GLYAT: variants seen among roughly 807,000 people sequenced by gnomAD.
GLYAT encodes glycine-N-acyltransferase.
A neutral mutation model predicts 22.8 loss-of-function variants in GLYAT; 25 were observed. The ratio of observed to expected loss-of-function variants is 1.09; its 90% CI spans 0.80 to 1.53. The LOEUF (loss-of-function observed/expected upper bound fraction) is 1.53, where lower values mean the gene tolerates loss of function less well. GLYAT is among the 40% of genes most tolerant of loss of function. GLYAT has a pLI of 0.00. For synonymous variants in GLYAT, 140 were observed against 122.7 expected (o/e 1.14, Z -0.93); for missense variants, 411 against 353.9 (o/e 1.16, Z -1.29).
intron 1 of GLYAT, among the ~76,000 whole-genome samples, chr11:58,725,076 T>C (rs1218889993): frequency 6.6e-6 from 1 of 152,142 alleles, no homozygotes; most frequent in Non-Finnish European, 1.5e-5. Context: ...GCCAAAGTCC[T>C]ATATATTGCA....
At chr11:58,724,049 T>C (rs1163034284) in intron 2 of GLYAT, among the ~76,000 whole-genome samples, 1 of 152,080 alleles carries the variant, frequency 6.6e-6, no homozygotes, top group African/African-American at 2.4e-5. Flanking sequence ...GCCAACTTTG[T>C]AGAACTCTGG....
At chr11:58,716,771 C>G (rs146150024) in intron 2 of GLYAT, among the ~76,000 whole-genome samples, 4 of 152,128 alleles carry the variant, frequency 2.6e-5, no homozygotes, top group Non-Finnish European at 5.9e-5. Flanking sequence ...ATTGAGTGCA[C>G]ACCCGTGAAA....
At chr11:58,715,860 C>G (rs1046163026) in intron 2 of GLYAT, among the ~76,000 whole-genome samples, 1 of 152,154 alleles carries the variant, frequency 6.6e-6, no homozygotes, top group Admixed American at 6.6e-5. Flanking sequence ...ACTTTTCACT[C>G]AAATAAATAA....
chr11:58,724,236 T>G (rs762029003), intron 2 of GLYAT, 180 bp downstream of exon 2: 22 of 484,346 alleles, frequency 4.5e-5, no homozygotes, highest in Admixed American at 1.8e-4. Flanking sequence ...GTCTTCATTT[T>G]CTTAACAGCA....
At chr11:58,722,965 AGAG>A (rs1182800531) in intron 2 of GLYAT, among the ~76,000 whole-genome samples, 2 of 152,090 alleles carry the variant, frequency 1.3e-5, no homozygotes, top group Non-Finnish European at 2.9e-5. Context: ...ATACAACAAA[AGAG>A]GAGGAATGCT....
rs765367463 is a variant in GLYAT at position 58,710,698 on chromosome 11, T to C, written c.380A>G (p.Lys127Arg). Reference sequence around the variant, plus strand: ...CATATAGAGAATGCGTTGTGTTTGTTTGACTTTGAAGGACTTAATGGCTGC... The same window carrying C: ...CATATAGAGAATGCGTTGTGTTTGTCTGACTTTGAAGGACTTAATGGCTGC... Reference protein sequence around the residue: ...NLAAIKSFKVKQTQRILYMAA... With the variant: ...NLAAIKSFKVRQTQRILYMAA... The change falls in exon 5 of 6, where the codon AAA becomes AGA. Residue 127 changes from lysine (K) to arginine (R), a missense_variant. Coordinates refer to ENST00000344743, the MANE Select transcript of GLYAT (RefSeq NM_201648.3). 21 of 1,613,746 alleles carry C rather than the reference T, an allele frequency of 1.3e-5. No individual in the cohort carries two copies. Among genetic ancestry groups the C allele is most frequent in the Non-Finnish European group, 1.4e-5 (16 of 1,179,682 alleles).
chr11:58,725,554 T>A (rs986770203), intron 1 of GLYAT, among the ~76,000 whole-genome samples: 6 of 152,142 alleles, frequency 3.9e-5, no homozygotes, highest in African/African-American at 9.7e-5. Flanking sequence ...TGGTGGTGCA[T>A]CTGTACAGGT....
At chr11:58,713,840 TTTTA>T (rs558350000) in intron 3 of GLYAT, among the ~76,000 whole-genome samples, 1,635 of 152,262 alleles carry the variant, frequency 0.011, 14 homozygotes, top group Non-Finnish European at 0.014. Flanking sequence ...GATCAAATAA[TTTTA>T]TTTCAGTTTA....
At chr11:58,715,197 G>T (rs963988124) in intron 3 of GLYAT, 119 bp downstream of exon 3, 1 of 562,478 alleles carries the variant, frequency 1.8e-6, no homozygotes, top group Non-Finnish European at 3.1e-6. Flanking sequence ...TGAGGATGGG[G>T]ACTTGTTGAC....
chr11:58,728,336 C>T (rs1212887804), intron 1 of GLYAT, among the ~76,000 whole-genome samples: 1 of 152,104 alleles, frequency 6.6e-6, no homozygotes, highest in Admixed American at 6.6e-5. Context: ...GCTGGGATTA[C>T]AGGCGTGAGC....
chr11:58,724,973 G>T (rs770141890), intron 1 of GLYAT, among the ~76,000 whole-genome samples: 1 of 151,958 alleles, frequency 6.6e-6, no homozygotes, highest in Non-Finnish European at 1.5e-5. Flanking sequence ...TAGATTGTAG[G>T]TCTTATATTA....
At chr11:58,715,873 C>A (rs1313094197) in intron 2 of GLYAT, among the ~76,000 whole-genome samples, 1 of 152,110 alleles carries the variant, frequency 6.6e-6, no homozygotes, top group Non-Finnish European at 1.5e-5. Context: ...ATAAATAATT[C>A]TTTATAGAAT....
chr11:58,728,928 A>C (rs1422112706), intron 1 of GLYAT, among the ~76,000 whole-genome samples: 1 of 147,974 alleles, frequency 6.8e-6, no homozygotes, highest in Non-Finnish European at 1.5e-5. Flanking sequence ...GAAGGAAGGA[A>C]GGAAGGAAGG....
chr11:58,716,775 C>T (rs773779190), intron 2 of GLYAT, among the ~76,000 whole-genome samples: 10 of 152,092 alleles, frequency 6.6e-5, no homozygotes, highest in East Asian at 5.8e-4. Context: ...AGTGCACACC[C>T]GTGAAACAGC....
rs542100480 is a variant in GLYAT, at chr11:58,727,050, C to G, written c.-15-2539G>C. 7.2e-5 allele frequency among the ~76,000 whole-genome samples: 11 copies of G among 152,012 alleles called. No homozygotes were observed. The South Asian group carries it at 2.1e-3, about 29-fold the overall frequency. On this transcript the variant is annotated intron_variant, in intron 1 of 5. Coordinates refer to ENST00000344743, the MANE Select transcript of GLYAT (RefSeq NM_201648.3). Reference sequence around the variant, plus strand: ...ATCCTTAAAGTGTCATAGCCCTATGCAGGAGGACAAACTGTTTCAAAAACC... The same window carrying G: ...ATCCTTAAAGTGTCATAGCCCTATGGAGGAGGACAAACTGTTTCAAAAACC...
chr11:58,711,885 T>C (rs1237575588), intron 4 of GLYAT, among the ~76,000 whole-genome samples: 3 of 152,236 alleles, frequency 2.0e-5, no homozygotes. Flanking sequence ...TTGCTCCTGG[T>C]TAAGACCAAT....
At chr11:58,715,272 C>G (rs1183544946) in intron 3 of GLYAT, 44 bp downstream of exon 3, 2 of 871,084 alleles carry the variant, frequency 2.3e-6, no homozygotes, top group East Asian at 2.4e-5. Flanking sequence ...AATAGGCACA[C>G]AGCTAATATA....
At chr11:58,710,312 GGAACAGAGT>G in intron 5 of GLYAT, 144 bp from the exon 6 acceptor site, 1 of 1,340,422 alleles carries the variant, frequency 7.5e-7, no homozygotes, top group South Asian at 1.6e-5. Flanking sequence ...TGATGAAAGA[GGAACAGAGT>G]GAAGGTCAGA....
chr11:58,722,885 C>T (rs548990004), intron 2 of GLYAT, among the ~76,000 whole-genome samples: 20 of 152,154 alleles, frequency 1.3e-4, no homozygotes, highest in Admixed American at 1.0e-3. Context: ...CTAGGTTAGA[C>T]ACCTCCATTA....
Sources: allele counts gnomAD v4.1 joint callset (sites outside exome capture counted in the v4.1 genomes callset), GRCh38; gene constraint gnomAD v4.1.1; transcripts MANE v1.5; gene names NCBI Gene and HGNC (gene_info 2026-07-23, HGNC 2026-07-21).